UGT1A5: variants seen among roughly 807,000 people sequenced by gnomAD.
UGT1A5 encodes the protein UDP-glucuronosyltransferase 1A5.
In UGT1A5, 29 loss-of-function variants were observed where a neutral mutation model predicts 40.3. The ratio of observed to expected loss-of-function variants is 0.72; its 90% CI spans 0.54 to 0.98. UGT1A5 has a LOEUF of 0.98. UGT1A5 is among the 50% of genes least tolerant of loss of function. The probability of loss-of-function intolerance (pLI) is 0.00; values close to 1 mark genes in which losing one functional copy is unlikely to be tolerated. For synonymous variants in UGT1A5, 257 were observed against 262.5 expected (o/e 0.98, Z 0.20); for missense variants, 678 against 677.9 (o/e 1.00, Z 0.00).
chr2:233,738,758 A>C (rs1324483464), intron 1 of UGT1A5, among the ~76,000 whole-genome samples: 1 of 152,234 alleles, frequency 6.6e-6, no homozygotes, highest in Non-Finnish European at 1.5e-5. Flanking sequence ...AGAAAAGAAA[A>C]ACCCATTTTA....
rs368860136 is a variant in UGT1A5 at position 233,772,310 on chromosome 2, G to C, written c.1356G>C (p.Pro452=). 4.6e-5 allele frequency: 74 copies of C among 1,614,210 alleles called. 1 individual carries two copies. The South Asian group carries it at 7.0e-4, about 15-fold the overall frequency. The part of the protein sequence containing the change: ...MRLSSLHKDR[P]VEPLDLAVFW... Reference sequence around the variant, plus strand: ...TCTCCAGCCTTCACAAGGACCGCCCGGTGGAGCCGCTGGACCTGGCCGTGT... The same window carrying C: ...TCTCCAGCCTTCACAAGGACCGCCCCGTGGAGCCGCTGGACCTGGCCGTGT... The change falls in exon 5 of 5, where the codon CCG becomes CCC. Residue 452 remains proline, a synonymous_variant. Transcript: ENST00000373414.
intron 1 of UGT1A5, chr2:233,743,033 G>A: frequency 3.8e-6 from 1 of 265,158 alleles, no homozygotes; most frequent in Non-Finnish European, 7.4e-6. Context: ...ACAAACAGAG[G>A]TCCTATCCGT....
At chr2:233,747,065 G>T (rs1693553512) in intron 1 of UGT1A5, 1 of 956,080 alleles carries the variant, frequency 1.0e-6, no homozygotes, top group Admixed American at 2.9e-5. Context: ...TGGTTAATCG[G>T]TAATAATTAA....
intron 1 of UGT1A5, among the ~76,000 whole-genome samples, chr2:233,732,779 AT>A (rs1417655336): frequency 8.9e-6 from 1 of 112,574 alleles, no homozygotes; most frequent in South Asian, 2.6e-4. Context: ...TTTGCTTAGG[AT>A]TGTCTTGGCA....
intron 1 of UGT1A5, among the ~76,000 whole-genome samples, chr2:233,750,457 C>T (rs542993869): frequency 6.6e-5 from 10 of 152,092 alleles, no homozygotes; most frequent in African/African-American, 2.4e-4. Flanking sequence ...AAACCAGCTA[C>T]AGAAATACTG....
chr2:233,760,476 C>G (rs191471887), intron 1 of UGT1A5: 1 of 1,614,200 alleles, frequency 6.2e-7, no homozygotes, highest in Non-Finnish European at 8.5e-7. Context: ...TAGCACCTGA[C>G]GCCTCGTTGT....
chr2:233,730,227 G>A (rs1389808961), intron 1 of UGT1A5, among the ~76,000 whole-genome samples: 1 of 152,112 alleles, frequency 6.6e-6, no homozygotes, highest in Admixed American at 6.5e-5. Context: ...TTTGTAAAAG[G>A]ATGGACAAGG....
chr2:233,745,008 A>G (rs552050904), intron 1 of UGT1A5, among the ~76,000 whole-genome samples: 2 of 151,846 alleles, frequency 1.3e-5, no homozygotes, highest in Non-Finnish European at 2.9e-5. Flanking sequence ...TTACCTAATA[A>G]ATGTAAATGC....
At chr2:233,715,490 T>TG (rs1472683316) in intron 1 of UGT1A5, among the ~76,000 whole-genome samples, 1 of 152,172 alleles carries the variant, frequency 6.6e-6, no homozygotes, top group African/African-American at 2.4e-5. Flanking sequence ...AAATGATTTG[T>TG]GTGCAAGTGG....
chr2:233,717,558 G>A (rs1360566247), intron 1 of UGT1A5, among the ~76,000 whole-genome samples: 1 of 152,238 alleles, frequency 6.6e-6, no homozygotes, highest in Non-Finnish European at 1.5e-5. Context: ...AGCAATGGCA[G>A]ACATGGCCAG....
intron 1 of UGT1A5, among the ~76,000 whole-genome samples, chr2:233,738,417 G>A (rs1690784004): frequency 6.6e-6 from 1 of 152,216 alleles, no homozygotes; most frequent in Non-Finnish European, 1.5e-5. Context: ...ACAGGCAGAG[G>A]CTGGAACAGT....
rs2077428129 is a variant in UGT1A5 at position 233,725,300 on chromosome 2, AGAGGCAGAGGCAGAGGCG to A, written c.867+11443_867+11460del. 1.1e-4 allele frequency among the ~76,000 whole-genome samples: 8 copies of A among 74,572 alleles called. 3 individuals carry two copies. The South Asian group carries it at 4.5e-3, about 42-fold the overall frequency. 48.9% of individuals were successfully genotyped at this position (74,572 alleles called of 152,430 possible). ...CAGAGGCAGAGGCAGAGGCAGAGGCAGAGGCAGAGGCAGAGGCGCCTGGTCAACAATCTTAAGTCCAAT... is the reference window on the plus strand; with the variant it reads ...CAGAGGCAGAGGCAGAGGCAGAGGCACCTGGTCAACAATCTTAAGTCCAAT... On this transcript the variant is annotated intron_variant, in intron 1 of 4. Transcript: ENST00000373414.
chr2:233,749,542 G>C (rs531548646), intron 1 of UGT1A5, among the ~76,000 whole-genome samples: 1 of 151,958 alleles, frequency 6.6e-6, no homozygotes, highest in Non-Finnish European at 1.5e-5. Flanking sequence ...GTGTGGTAAA[G>C]AACAGGCTAA....
chr2:233,718,176 T>C (rs1244111722), intron 1 of UGT1A5: 1 of 237,604 alleles, frequency 4.2e-6, no homozygotes, highest in Non-Finnish European at 8.5e-6. Flanking sequence ...TCATCACATC[T>C]TGAGCTCAGC....
chr2:233,732,680 C>A (rs899691828), intron 1 of UGT1A5, among the ~76,000 whole-genome samples: 4 of 151,836 alleles, frequency 2.6e-5, no homozygotes, highest in African/African-American at 9.7e-5. Context: ...TGTTTTGGTA[C>A]CAGCACCCAT....
chr2:233,744,239 T>C (rs1275088982), intron 1 of UGT1A5, among the ~76,000 whole-genome samples: 1 of 151,842 alleles, frequency 6.6e-6, no homozygotes, highest in Non-Finnish European at 1.5e-5. Flanking sequence ...GCCTTGACTT[T>C]GGCTGCCTGA....
chr2:233,772,142 A>T, intron 4 of UGT1A5, 120 bp from the exon 5 acceptor site: 1 of 1,550,154 alleles, frequency 6.5e-7, no homozygotes, highest in Non-Finnish European at 8.7e-7. Context: ...AATAATAGAA[A>T]CAGGTTTCCT....
At chr2:233,772,241 C>T (rs200350292) in intron 4 of UGT1A5, 21 bp from the exon 5 acceptor site, 139 of 1,614,076 alleles carry the variant, frequency 8.6e-5, no homozygotes, top group Admixed American at 1.2e-4. Flanking sequence ...CCAGGCATAA[C>T]GAAACTGTCT....
rs1477870335 is a variant in UGT1A5 at position 233,713,574 on chromosome 2, C to T, written c.583C>T (p.Pro195Ser). The T allele has an allele frequency of 6.2e-7, 1 of 1,613,856 alleles. No homozygotes were observed. ...GTGTCCAAACCCTTCCTCCTATATT[C>T]CTAGATTACTAACGACCAATTCAGA... ...TQCPNPSSYI[P>S]RLLTTNSDHM... The change falls in exon 1 of 5, where the codon CCT (proline) becomes TCT (serine). Residue 195 changes from proline to serine, a missense_variant. Transcript: ENST00000373414.
Sources: gnomAD v4.1 joint callset for allele counts (sites outside exome capture counted in the v4.1 genomes callset) on GRCh38, gnomAD v4.1.1 for gene constraint, MANE v1.5 for transcripts, NCBI Gene and HGNC (gene_info 2026-07-23, HGNC 2026-07-21) for gene names.